The following ATXN3 variants were observed in gnomAD, a reference collection of about 807,000 sequenced individuals.
ATXN3 encodes ataxin 3.
A neutral mutation model predicts 58.2 loss-of-function variants in ATXN3; 28 were observed. The observed-to-expected ratio is 0.48, with a 90% CI of 0.36 to 0.66. The LOEUF (loss-of-function observed/expected upper bound fraction) is 0.66, where lower values mean the gene tolerates loss of function less well. Among genes scored for constraint, ATXN3 ranks in the 30% least tolerant of loss-of-function variants. The probability of loss-of-function intolerance (pLI) is 0.00; values close to 1 mark genes in which losing one functional copy is unlikely to be tolerated. For missense variants in ATXN3, 321 were observed against 422.1 expected (o/e 0.76, Z 2.10); for synonymous variants, 113 against 138.5 (o/e 0.82, Z 1.29).
chr14:92,094,090 A>T (rs1293347361), intron 3 of ATXN3, among the ~76,000 whole-genome samples: 1 of 151,732 alleles, frequency 6.6e-6, no homozygotes, highest in Non-Finnish European at 1.5e-5. Context: ...TTACAAGCAC[A>T]CGCCACCACA....
intron 9 of ATXN3, among the ~76,000 whole-genome samples, chr14:92,071,946 C>CA (rs1367686505): frequency 2.0e-5 from 3 of 152,314 alleles, no homozygotes; most frequent in African/African-American, 7.2e-5. Context: ...CTCTTTATGG[C>CA]ATGTAAGCTA....
In ATXN3 at chr14:92,061,390, T is replaced by C. The variant is rs546433513; in HGVS notation, c.*2930A>G. The C allele has an allele frequency of 8.5e-5, 13 of 152,168 alleles. No homozygotes were observed. Among genetic ancestry groups the C allele is most frequent in the Non-Finnish European group, 1.3e-4 (9 of 68,034 alleles). The allele number at this position is 152,168 out of a possible 1,614,324, so 9.4% of individuals were successfully genotyped here. Reference sequence around the variant, plus strand: ...ATTTACATGATTACCGTAAAAAACATAGATTGATGGTTTTAGATCAGAGAT... The same window carrying C: ...ATTTACATGATTACCGTAAAAAACACAGATTGATGGTTTTAGATCAGAGAT... On this transcript the variant is annotated 3_prime_UTR_variant, in exon 11 of 11. Coordinates refer to ENST00000644486, the MANE Select transcript of ATXN3 (RefSeq NM_004993.6).
chr14:92,068,214 T>C (rs148796712), intron 10 of ATXN3, among the ~76,000 whole-genome samples: 74 of 152,298 alleles, frequency 4.9e-4, no homozygotes, highest in South Asian at 1.2e-3. Context: ...AGCTCCCCAG[T>C]CAGCCTTCTC....
chr14:92,099,014 T>C (rs1350305774), intron 1 of ATXN3, among the ~76,000 whole-genome samples: 2 of 152,188 alleles, frequency 1.3e-5, no homozygotes, highest in Non-Finnish European at 2.9e-5. Flanking sequence ...AGCTTTCCCA[T>C]GCTACCTGAT....
chr14:92,091,445 C>T (rs1257439917), intron 5 of ATXN3, among the ~76,000 whole-genome samples: 10 of 136,108 alleles, frequency 7.3e-5, no homozygotes, highest in South Asian at 2.5e-4. Context: ...AGCAAGAATC[C>T]GTCTCAAAAG....
intron 1 of ATXN3, among the ~76,000 whole-genome samples, chr14:92,102,022 A>C (rs914493456): frequency 5.9e-5 from 9 of 152,092 alleles, no homozygotes; most frequent in African/African-American, 2.2e-4. Context: ...GCATGGTGGC[A>C]CATGCCTATA....
chr14:92,076,442 T>C (rs12434076), intron 9 of ATXN3, among the ~76,000 whole-genome samples: 41,342 of 140,944 alleles, frequency 0.29, 6,335 homozygotes, highest in East Asian at 0.45. Context: ...AAGCGAGACC[T>C]CGTCTCAAAA....
At position 92,070,838 on chromosome 14, in the gene ATXN3, G is replaced by C. The variant is rs761487712; in HGVS notation, c.991+97C>G. 10 of 1,607,556 alleles carry C rather than the reference G, an allele frequency of 6.2e-6. No homozygotes were observed. The African/African-American group carries it at 1.1e-4, about 17-fold the overall frequency. On this transcript the variant is annotated intron_variant, in intron 10 of 10. Transcript: ENST00000644486. ...TTAAGATTCTTAATATGATTAAAGA[G>C]GGAATGAAGAATAATGTAAAGCAAA...
chr14:92,057,063 G>A (rs1167334836), downstream of ATXN3, among the ~76,000 whole-genome samples: 2 of 152,192 alleles, frequency 1.3e-5, no homozygotes, highest in African/African-American at 2.4e-5. Context: ...CCATGGCAAT[G>A]CCGGGAAGTT....
intron 1 of ATXN3, among the ~76,000 whole-genome samples, chr14:92,101,189 A>G (rs2141265205): frequency 1.3e-5 from 2 of 152,312 alleles, no homozygotes; most frequent in East Asian, 3.9e-4. Flanking sequence ...ACTTAAGGCT[A>G]GGCACAGTGG....
chr14:92,095,932 ACT>A (rs943315689), intron 3 of ATXN3, among the ~76,000 whole-genome samples, 159 bp downstream of exon 3: 5 of 151,734 alleles, frequency 3.3e-5, no homozygotes, highest in African/African-American at 7.3e-5. Context: ...ACAGAACGAG[ACT>A]CTGTCTCAAG....
chr14:92,047,210 A>G (rs1428752934), intron 2 of ATXN3, among the ~76,000 whole-genome samples: 1 of 152,206 alleles, frequency 6.6e-6, no homozygotes, highest in Non-Finnish European at 1.5e-5. Context: ...CAAGAACGGA[A>G]TAGTGAGTTG....
At chr14:92,056,002 G>C (rs140497978), downstream of ATXN3, among the ~76,000 whole-genome samples, 78 of 152,306 alleles carry the variant, frequency 5.1e-4, 1 homozygote, top group Admixed American at 3.6e-3. Context: ...CTGGCAAAAG[G>C]GGTTTCAGTG....
At chr14:92,105,665 C>T (rs1232164656) in intron 1 of ATXN3, among the ~76,000 whole-genome samples, 1 of 152,168 alleles carries the variant, frequency 6.6e-6, no homozygotes, top group Non-Finnish European at 1.5e-5. Flanking sequence ...GGGAAGGCTT[C>T]ACTCACACAC....
intron 9 of ATXN3, among the ~76,000 whole-genome samples, chr14:92,080,198 T>A (rs568285429): frequency 7.2e-5 from 11 of 152,276 alleles, no homozygotes; most frequent in African/African-American, 2.6e-4. Flanking sequence ...ATGGTTTGCA[T>A]CCATTCCCCT....
chr14:92,083,518 T>C (rs2061845510), intron 6 of ATXN3: 3 of 579,918 alleles, frequency 5.2e-6, no homozygotes, highest in Middle Eastern at 2.7e-4. Context: ...GAGAAATAAA[T>C]ATGTCTGTAA....
chr14:92,104,879 G>A (rs963708663), intron 1 of ATXN3, among the ~76,000 whole-genome samples: 2 of 147,944 alleles, frequency 1.4e-5, no homozygotes, highest in African/African-American at 5.0e-5. Flanking sequence ...CCATGATGGC[G>A]CCATTGCACT....
chr14:92,101,134 T>G (rs1371688581), intron 1 of ATXN3, among the ~76,000 whole-genome samples: 1 of 152,174 alleles, frequency 6.6e-6, no homozygotes, highest in Admixed American at 6.5e-5. Flanking sequence ...CTAATATGAT[T>G]TAATGGAAGG....
rs56086745 is a variant in ATXN3 at position 92,084,325 on chromosome 14, C to A, written c.476-1067G>T. Among the ~76,000 whole-genome samples, 386 of 152,250 alleles carry A rather than the reference C, an allele frequency of 2.5e-3. 4 individuals carry two copies. Among genetic ancestry groups the A allele is most frequent in the East Asian group, 0.012 (63 of 5,180 alleles). On this transcript the variant is annotated intron_variant, in intron 6 of 10. Coordinates refer to ENST00000644486, the MANE Select transcript of ATXN3 (RefSeq NM_004993.6). Reference sequence around the variant, plus strand: ...AACTAATCATCTGCGGAAAGAGCTACCCCCACCCTGACCCACACATGTACA... The same window carrying A: ...AACTAATCATCTGCGGAAAGAGCTAACCCCACCCTGACCCACACATGTACA...
Sources: allele counts gnomAD v4.1 joint callset (sites outside exome capture counted in the v4.1 genomes callset), GRCh38; gene constraint gnomAD v4.1.1; transcripts MANE v1.5; gene names NCBI Gene and HGNC (gene_info 2026-07-23, HGNC 2026-07-21).